The following BIN2 variants were observed in gnomAD, a reference collection of about 807,000 sequenced individuals.
BIN2 encodes the protein breast cancer associated protein BRAP1.
Under a neutral mutation model 67.9 loss-of-function variants are expected in BIN2, and 43 were observed. The ratio of observed to expected loss-of-function variants is 0.63; its 90% CI spans 0.50 to 0.82. The LOEUF (loss-of-function observed/expected upper bound fraction) is 0.82. Among genes scored for constraint, BIN2 ranks in the 40% least tolerant of loss-of-function variants. The pLI is 0.00. For missense variants in BIN2, 581 were observed against 671.6 expected (o/e 0.87, Z 1.49); for synonymous variants, 244 against 246.8 (o/e 0.99, Z 0.11).
At chr12:51,324,175 G>A, upstream of BIN2, 1 of 1,581,472 alleles carries the variant, frequency 6.3e-7, no homozygotes, top group Non-Finnish European at 8.6e-7. Flanking sequence ...AGGAGGAAGT[G>A]CGGGCTCCCG....
rs1348701181 is a variant in BIN2, at chr12:51,281,435, T to C, written c.*64A>G. On this transcript the variant is annotated 3_prime_UTR_variant, in exon 13 of 13. Transcript: ENST00000615107. ...CTGGCTCTTATATCCCTCTGACCTA[T>C]ACCCTCTGGTTGAAGAGCTTCTCTG... The C allele has an allele frequency of 1.3e-6, 2 of 1,529,016 alleles. No individual in the cohort carries two copies. Among genetic ancestry groups the C allele is most frequent in the Non-Finnish European group, 1.8e-6 (2 of 1,102,614 alleles). 94.7% of individuals were successfully genotyped at this position (1,529,016 alleles called of 1,614,324 possible).
At chr12:51,281,962 T>C (rs192840213) in intron 12 of BIN2, among the ~76,000 whole-genome samples, 45 of 152,212 alleles carry the variant, frequency 3.0e-4, no homozygotes, top group Non-Finnish European at 5.1e-4. Flanking sequence ...CTTGAACTCC[T>C]GGGCTCAAGT....
At chr12:51,288,260 G>T in intron 10 of BIN2, 72 bp from the exon 11 acceptor site, 1 of 1,267,210 alleles carries the variant, frequency 7.9e-7, no homozygotes. Flanking sequence ...TGTGCCCTTG[G>T]TCCATATTAG....
intron 2 of BIN2, among the ~76,000 whole-genome samples, chr12:51,303,790 A>G (rs559598641): frequency 1.3e-5 from 2 of 152,334 alleles, no homozygotes; most frequent in Admixed American, 6.5e-5. Flanking sequence ...AGAGGAAGGT[A>G]TTATTTAGAC....
In BIN2 at chr12:51,291,922, C is replaced by T. The variant is rs779658740; in HGVS notation, c.1184G>A (p.Ser395Asn). The change falls in exon 10 of 13, where the codon AGT becomes AAT. Residue 395 changes from serine (S) to asparagine (N), a missense_variant. By Grantham distance (46) the Ser-to-Asn change is conservative. Coordinates refer to ENST00000615107, the MANE Select transcript of BIN2 (RefSeq NM_016293.4). The part of the protein sequence containing the change: ...TEVVLRTRTA[S>N]EGSEQPKKRA... ...CTTCTTTGGTTGTTCAGATCCTTCA[C>T]TTGCGGTGCGGGTTCGGAGGACTAC... 1 of 1,614,198 alleles carries T rather than the reference C, an allele frequency of 6.2e-7. No individual in the cohort carries two copies. The highest frequency in any genetic ancestry group is 1.1e-5 in the South Asian group (1 of 91,088).
At chr12:51,296,284 C>T (rs946647253) in intron 8 of BIN2, among the ~76,000 whole-genome samples, 4 of 152,080 alleles carry the variant, frequency 2.6e-5, no homozygotes, top group African/African-American at 9.7e-5. Flanking sequence ...ATCACGAGGT[C>T]AGGAGATCGA....
In BIN2 at chr12:51,324,078, C is replaced by G; in HGVS notation, c.25G>C (p.Ala9Pro). The G allele has an allele frequency of 6.2e-7, 1 of 1,613,428 alleles. No homozygotes were observed. Among genetic ancestry groups the G allele is most frequent in the Non-Finnish European group, 8.5e-7 (1 of 1,179,686 alleles). The change falls in exon 1 of 13, where the codon GCG becomes CCG. Residue 9 changes from alanine to proline, a missense_variant. By Grantham distance (27) the Ala-to-Pro change is conservative. Coordinates refer to ENST00000615107, the MANE Select transcript of BIN2 (RefSeq NM_016293.4). Reference sequence around the variant, plus strand: ...ACCTGCTTGGCGAAGAGGCCGGCCGCGCCGCCTGCCTTGCCCTCTGCCATC... The same window carrying G: ...ACCTGCTTGGCGAAGAGGCCGGCCGGGCCGCCTGCCTTGCCCTCTGCCATC... MAEGKAGG[A>P]AGLFAKQVQK...
Position 51,288,110 on chromosome 12 carries a change from C to T in BIN2, c.1594G>A (p.Glu532Lys), listed in dbSNP as rs755141563. The T allele has an allele frequency of 1.9e-6, 3 of 1,611,474 alleles. No homozygotes were observed. The highest frequency in any genetic ancestry group is 2.7e-5 in the African/African-American group (2 of 74,888). ...TAGATGACTTAGGCTTTTAGTACCT[C>T]CGAGGAGTTAGCTGAGATAAGCTTA... ...DNKLISANSS[E>K]GQDQLQVSMV... is the part of the protein sequence containing the mutation. The change falls in exon 11 of 13, where the codon GAG (glutamate) becomes AAG (lysine). Residue 532 changes from glutamate (E) to lysine (K), a missense_variant and splice_region_variant. Physicochemically the swap from Glu to Lys is moderately conservative, Grantham distance 56. Transcript: ENST00000615107.
chr12:51,323,416 G>C (rs936220719), intron 1 of BIN2, among the ~76,000 whole-genome samples: 5 of 152,206 alleles, frequency 3.3e-5, no homozygotes, highest in African/African-American at 1.2e-4. Context: ...CACAGATGTG[G>C]TTCATCACCC....
intron 2 of BIN2, among the ~76,000 whole-genome samples, chr12:51,309,852 C>T (rs578009715): frequency 4.6e-5 from 7 of 152,272 alleles, no homozygotes; most frequent in Non-Finnish European, 7.4e-5. Context: ...TACACATCTG[C>T]TCTTAGAGAG....
At chr12:51,298,671 G>A (rs1169260715) in intron 7 of BIN2, among the ~76,000 whole-genome samples, 1 of 152,110 alleles carries the variant, frequency 6.6e-6, no homozygotes, top group Non-Finnish European at 1.5e-5. Flanking sequence ...ACACTAATAA[G>A]TGACAATATA....
chr12:51,304,982 T>C (rs7316221), intron 2 of BIN2, among the ~76,000 whole-genome samples: 19,057 of 151,650 alleles, frequency 0.13, 1,289 homozygotes, highest in East Asian at 0.22. Flanking sequence ...CACGCCACCG[T>C]ACTCCAGGCT....
chr12:51,303,068 C>T lies in BIN2; in HGVS notation c.217+19G>A, dbSNP rs201010283. ...GCTGTATAAATGCCCTCTGGATTCT[C>T]CCATGCTGCATTGCCCACCTTTGAC... is the stretch of plus-strand genomic sequence containing the variant. On this transcript the variant is annotated intron_variant, in intron 3 of 12. Coordinates refer to ENST00000615107, the MANE Select transcript of BIN2 (RefSeq NM_016293.4). The T allele has an allele frequency of 1.6e-4, 256 of 1,613,036 alleles. No homozygotes were observed. Among genetic ancestry groups the T allele is most frequent in the Non-Finnish European group, 2.1e-4 (243 of 1,179,078 alleles).
chr12:51,284,729 T>A lies in BIN2; in HGVS notation c.1655A>T (p.Glu552Val), dbSNP rs552960490. ...ATCTGGTCTTACCTCTTCTTGAGGT[T>A]CAGGTGCTGTGAGGTTGTTGTTTTC... ...VPENNNLTAPEPQEEVSTSEN... is the reference protein window; with the variant it reads ...VPENNNLTAPVPQEEVSTSEN... The change falls in exon 12 of 13, where the codon GAA becomes GTA. Residue 552 changes from glutamate to valine, a missense_variant. By Grantham distance (121) the Glu-to-Val change is moderately radical. Transcript: ENST00000615107. 6.9e-5 allele frequency: 111 copies of A among 1,611,690 alleles called. 2 individuals are homozygous for A. The South Asian group carries it at 1.1e-3, about 16-fold the overall frequency.
intron 1 of BIN2, among the ~76,000 whole-genome samples, chr12:51,316,098 C>G (rs1428193484): frequency 6.6e-6 from 1 of 152,178 alleles, no homozygotes; most frequent in African/African-American, 2.4e-5. Flanking sequence ...TAGGCCCTCA[C>G]TGTTTATTAC....
chr12:51,291,384 G>C (rs1279771257), intron 10 of BIN2, among the ~76,000 whole-genome samples: 1 of 152,082 alleles, frequency 6.6e-6, no homozygotes, highest in African/African-American at 2.4e-5. Context: ...CAAGACAGGA[G>C]GATCACTTGA....
At chr12:51,288,061 A>AT in intron 11 of BIN2, 47 bp downstream of exon 11, 1 of 1,328,548 alleles carries the variant, frequency 7.5e-7, no homozygotes, top group Non-Finnish European at 1.1e-6. Flanking sequence ...ATTTTAATGT[A>AT]CAAAAAAATA....
rs1232355617 is a variant in BIN2 at position 51,291,579 on chromosome 12, A to AACT, written c.1515+9_1515+11dup. 6.3e-7 allele frequency: 1 copy of AACT among 1,577,080 alleles called. No homozygotes were observed. Among genetic ancestry groups the AACT allele is most frequent in the Admixed American group, 2.0e-5 (1 of 49,818 alleles). On this transcript the variant is annotated intron_variant, in intron 10 of 12. Transcript: ENST00000615107. ...TTAATTAAATTAAATACCCAACCAG[A>AACT]ACTACTCTTACCTGAGATGTCATTA...
chr12:51,295,577 A>AAAATATAT (rs1945533462), intron 9 of BIN2, among the ~76,000 whole-genome samples: 1 of 29,558 alleles, frequency 3.4e-5, no homozygotes, highest in Non-Finnish European at 6.1e-5. Flanking sequence ...AAAAAAAAAA[A>AAAATATAT]ATATATATAT....
Sources: gnomAD v4.1 joint callset for allele counts (sites outside exome capture counted in the v4.1 genomes callset) on GRCh38, gnomAD v4.1.1 for gene constraint, MANE v1.5 for transcripts, NCBI Gene and HGNC (gene_info 2026-07-23, HGNC 2026-07-21) for gene names.